Variants in RYR2 observed in about 807,000 individuals in gnomAD.
The protein encoded by RYR2 is cardiac muscle ryanodine receptor-calcium release channel.
Under a neutral mutation model 601.1 loss-of-function variants are expected in RYR2, and 227 were observed. The ratio of observed to expected loss-of-function variants is 0.38; its 90% CI spans 0.34 to 0.42. The LOEUF (loss-of-function observed/expected upper bound fraction) is 0.42. Among genes scored for constraint, RYR2 ranks in the 10% least tolerant of loss-of-function variants. RYR2 has a pLI of 1.00. For missense variants in RYR2, 4,646 were observed against 6,156.5 expected (o/e 0.75, Z 8.21); for synonymous variants, 2,223 against 2,175.1 (o/e 1.02, Z -0.61).
rs568936247 is a variant in RYR2, at chr1:237,638,353, G to A, written c.6793-4G>A. On this transcript the variant is annotated splice_region_variant and splice_polypyrimidine_tract_variant and intron_variant, in intron 44 of 104. Coordinates refer to ENST00000366574, the MANE Select transcript of RYR2 (RefSeq NM_001035.3). ...TAACTCTTTGTTAATCATGTTGTTT[G>A]CAGGTAGTTCGTTATTTGGCTGGTT... is the stretch of plus-strand genomic sequence containing the variant. 8.1e-6 allele frequency: 13 copies of A among 1,613,838 alleles called. No homozygotes were observed. The East Asian group carries it at 2.9e-4, about 36-fold the overall frequency.
At chr1:237,292,777 G>A (rs780986047) in intron 2 of RYR2, among the ~76,000 whole-genome samples, 4 of 152,138 alleles carry the variant, frequency 2.6e-5, no homozygotes, top group East Asian at 1.9e-4. Context: ...TGTGTTGGGG[G>A]AAGGTAGTTA....
chr1:237,075,316 C>A (rs1231766858), intron 1 of RYR2, among the ~76,000 whole-genome samples: 3 of 151,724 alleles, frequency 2.0e-5, no homozygotes, highest in Middle Eastern at 3.2e-3. Context: ...CAGCTCCCAG[C>A]GTGAGCGACG....
intron 1 of RYR2, among the ~76,000 whole-genome samples, chr1:237,070,164 G>T (rs1664144508): frequency 6.6e-6 from 1 of 151,552 alleles, no homozygotes; most frequent in Non-Finnish European, 1.5e-5. Flanking sequence ...TCAAAGTGCT[G>T]GGACTACAGG....
At chr1:237,113,386 A>C (rs907008140) in intron 1 of RYR2, among the ~76,000 whole-genome samples, 5 of 148,890 alleles carry the variant, frequency 3.4e-5, no homozygotes, top group African/African-American at 7.6e-5. Context: ...TTTTTAGTAG[A>C]GATGAGTTTT....
intron 4 of RYR2, among the ~76,000 whole-genome samples, chr1:237,363,752 T>G (rs1699977865): frequency 6.6e-6 from 1 of 152,130 alleles, no homozygotes; most frequent in Non-Finnish European, 1.5e-5. Context: ...AAAGAGCTAT[T>G]ATATAATTTA....
intron 2 of RYR2, among the ~76,000 whole-genome samples, chr1:237,276,994 T>C (rs1217569208): frequency 6.6e-6 from 1 of 152,162 alleles, no homozygotes. Context: ...ATAGATCGAT[T>C]TCAGTTTTAT....
At chr1:237,155,201 A>T (rs1675179362) in intron 1 of RYR2, among the ~76,000 whole-genome samples, 1 of 136,684 alleles carries the variant, frequency 7.3e-6, no homozygotes. Flanking sequence ...TTTTTGACAG[A>T]GTCTCGCTCT....
At chr1:237,606,054 T>C (rs1479813469) in intron 35 of RYR2, among the ~76,000 whole-genome samples, 1 of 151,128 alleles carries the variant, frequency 6.6e-6, no homozygotes, top group African/African-American at 2.4e-5. Context: ...CTTCACAGAA[T>C]TGGAAAAAAC....
intron 1 of RYR2, among the ~76,000 whole-genome samples, chr1:237,061,399 C>A (rs1043604041): frequency 6.6e-6 from 1 of 152,086 alleles, no homozygotes; most frequent in East Asian, 1.9e-4. Context: ...CTTGCTGCAG[C>A]CTTAAACTAC....
At chr1:237,787,851 C>T in intron 91 of RYR2, 137 bp from the exon 92 acceptor site, 1 of 785,090 alleles carries the variant, frequency 1.3e-6, no homozygotes, top group Non-Finnish European at 2.0e-6. Flanking sequence ...AGAATATTAT[C>T]ATTCACCGGA....
At position 237,334,277 on chromosome 1, in the gene RYR2, T is replaced by C. The variant is rs892436862; in HGVS notation, c.273+3295T>C. ...AACATTACGATAACAGAAGAAGATG[T>C]GTAAGATGAAATGGGAGAAAATATT... On this transcript the variant is annotated intron_variant, in intron 3 of 104. Transcript: ENST00000366574. 4.6e-5 allele frequency among the ~76,000 whole-genome samples: 7 copies of C among 152,166 alleles called. No homozygotes were observed. The Middle Eastern group carries it at 0.014, about 298-fold the overall frequency.
Position 237,382,212 on chromosome 1 carries a change from C to T in RYR2, c.576+4777C>T, listed in dbSNP as rs12087516. Among the ~76,000 whole-genome samples the T allele has an allele frequency of 6.8e-3, 1,038 of 152,130 alleles. 17 individuals carry two copies. The highest frequency in any genetic ancestry group is 0.022 in the African/African-American group (930 of 41,498). The stretch of plus-strand genomic sequence containing the variant: ...ACTTAATGAAACAGGCCAAGTTTTT[C>T]GGATCTGTGAAAACATTGCCAAATA... On this transcript the variant is annotated intron_variant, in intron 8 of 104. Coordinates refer to ENST00000366574, the MANE Select transcript of RYR2 (RefSeq NM_001035.3).
intron 2 of RYR2, among the ~76,000 whole-genome samples, chr1:237,304,765 A>G (rs1558587695): frequency 6.6e-6 from 1 of 152,230 alleles, no homozygotes; most frequent in African/African-American, 2.4e-5. Flanking sequence ...AGCAAAAACT[A>G]CAGACTGTCT....
intron 36 of RYR2, among the ~76,000 whole-genome samples, chr1:237,611,907 A>G (rs1235983517): frequency 6.6e-6 from 1 of 152,172 alleles, no homozygotes; most frequent in Non-Finnish European, 1.5e-5. Context: ...CATGTGATCT[A>G]GCAATTCTAC....
intron 3 of RYR2, among the ~76,000 whole-genome samples, chr1:237,337,962 G>C (rs1697411867): frequency 1.3e-5 from 2 of 152,172 alleles, no homozygotes; most frequent in Admixed American, 1.3e-4. Context: ...GGTGTTGGCA[G>C]CACTGCATTG....
At chr1:237,092,810 C>G (rs755870903) in intron 1 of RYR2, among the ~76,000 whole-genome samples, 1 of 152,178 alleles carries the variant, frequency 6.6e-6, no homozygotes, top group African/African-American at 2.4e-5. Flanking sequence ...GGGTTATAGG[C>G]GTGAGCCACC....
chr1:237,161,246 G>A (rs1357976570), intron 1 of RYR2, among the ~76,000 whole-genome samples: 1 of 152,062 alleles, frequency 6.6e-6, no homozygotes. Context: ...GGATGGATTT[G>A]AAGCACTCTT....
At chr1:237,141,052 A>G (rs1673333723) in intron 1 of RYR2, among the ~76,000 whole-genome samples, 1 of 152,228 alleles carries the variant, frequency 6.6e-6, no homozygotes, top group Admixed American at 6.5e-5. Context: ...GCAATGCACA[A>G]TCTTGTACAT....
intron 25 of RYR2, among the ~76,000 whole-genome samples, chr1:237,534,857 T>C (rs1558983743): frequency 1.3e-5 from 2 of 152,048 alleles, no homozygotes; most frequent in Admixed American, 6.5e-5. Flanking sequence ...TTGATGAATA[T>C]GAATTGCCTA....
Sources: gnomAD v4.1 joint callset for allele counts (sites outside exome capture counted in the v4.1 genomes callset) on GRCh38, gnomAD v4.1.1 for gene constraint, MANE v1.5 for transcripts, NCBI Gene and HGNC (gene_info 2026-07-23, HGNC 2026-07-21) for gene names.